ANK1: variants seen among roughly 807,000 people sequenced by gnomAD.
The protein encoded by ANK1 is ankyrin-1.
Under a neutral mutation model 210.4 loss-of-function variants are expected in ANK1, and 51 were observed. The ratio of observed to expected loss-of-function variants is 0.24; its 90% CI spans 0.19 to 0.31. The LOEUF is 0.31. Among genes scored for constraint, ANK1 ranks in the 10% least tolerant of loss-of-function variants. The probability of loss-of-function intolerance (pLI) is 1.00; values close to 1 mark genes in which losing one functional copy is unlikely to be tolerated. For synonymous variants in ANK1, 967 were observed against 1,025.9 expected (o/e 0.94, Z 1.10); for missense variants, 2,051 against 2,504.4 (o/e 0.82, Z 3.86).
At chr8:41,775,508 C>T (rs962514133) in intron 1 of ANK1, among the ~76,000 whole-genome samples, 33 of 152,202 alleles carry the variant, frequency 2.2e-4, no homozygotes, top group African/African-American at 8.0e-4. Context: ...CCCTCTAGCC[C>T]ATGATGATTC....
chr8:41,700,381 A>T, intron 22 of ANK1: 1 of 1,583,594 alleles, frequency 6.3e-7, no homozygotes, highest in African/African-American at 1.3e-5. Context: ...GCTTAGGGTG[A>T]AATGCACTCT....
chr8:41,872,359 C>T (rs1217086099), intron 1 of ANK1, among the ~76,000 whole-genome samples: 4 of 152,224 alleles, frequency 2.6e-5, no homozygotes, highest in Non-Finnish European at 5.9e-5. Flanking sequence ...GGCCCTAAGG[C>T]GAGGCCTCTG....
intron 1 of ANK1, among the ~76,000 whole-genome samples, chr8:41,888,333 G>A (rs151012270): frequency 1.7e-4 from 26 of 152,290 alleles, no homozygotes; most frequent in African/African-American, 5.3e-4. Context: ...GTATACACAC[G>A]CTTACATATG....
chr8:41,834,512 C>T (rs911969136), intron 1 of ANK1, among the ~76,000 whole-genome samples: 1 of 152,222 alleles, frequency 6.6e-6, no homozygotes, highest in African/African-American at 2.4e-5. Flanking sequence ...GGACACAAGT[C>T]ACCACAGAGC....
chr8:41,832,271 T>C (rs1287760282), intron 1 of ANK1, among the ~76,000 whole-genome samples: 3 of 151,964 alleles, frequency 2.0e-5, no homozygotes, highest in Non-Finnish European at 2.9e-5. Flanking sequence ...AAGAGAAGTG[T>C]CCCCAAAGTT....
intron 1 of ANK1, among the ~76,000 whole-genome samples, chr8:41,813,523 G>A (rs1445785594): frequency 6.6e-6 from 1 of 152,164 alleles, no homozygotes; most frequent in Non-Finnish European, 1.5e-5. Flanking sequence ...TTTACCAAAG[G>A]TAATTACAGT....
chr8:41,770,952 A>G (rs114025156), intron 1 of ANK1, among the ~76,000 whole-genome samples: 354 of 152,332 alleles, frequency 2.3e-3, no homozygotes, highest in African/African-American at 8.3e-3. Flanking sequence ...CCAGGCAGAG[A>G]CAGCTTGGTT....
In ANK1 at chr8:41,695,310, C is replaced by T. The variant is rs139623406; in HGVS notation, c.2982G>A (p.Pro994=). ...QFLSPVIVEI[P]HFASHGRGDR... ...CTCCACGGCCATGGGAGGCAAAGTG[C>T]GGGATCTCCACGATTACAGGGCTGA... The change falls in exon 27 of 43, where the codon CCG becomes CCA. Residue 994 remains proline, a synonymous_variant. Coordinates refer to ENST00000289734, the MANE Select transcript of ANK1 (RefSeq NM_000037.4). The T allele has an allele frequency of 1.4e-4, 225 of 1,614,026 alleles. 1 individual carries two copies. In the East Asian group the frequency reaches 1.6e-3, roughly 12 times the overall value.
At chr8:41,894,356 A>G (rs941370487) in intron 1 of ANK1, among the ~76,000 whole-genome samples, 6 of 152,096 alleles carry the variant, frequency 3.9e-5, no homozygotes, top group African/African-American at 1.4e-4. Flanking sequence ...ATTTGGGGGG[A>G]GGAATATATT....
chr8:41,790,604 C>T (rs1226487050), intron 1 of ANK1, among the ~76,000 whole-genome samples: 3 of 152,028 alleles, frequency 2.0e-5, no homozygotes, highest in Non-Finnish European at 2.9e-5. Flanking sequence ...TCACTCCTGG[C>T]GTTTGCCTAA....
chr8:41,769,082 T>G (rs1361561257), intron 1 of ANK1, among the ~76,000 whole-genome samples: 5 of 152,168 alleles, frequency 3.3e-5, no homozygotes, highest in African/African-American at 1.2e-4. Context: ...AGTGGGATAA[T>G]CAAAGATCAA....
chr8:41,803,525 CTT>C (rs2150778760), intron 1 of ANK1: 1 of 152,178 alleles, frequency 6.6e-6, no homozygotes, highest in Non-Finnish European at 1.5e-5. Flanking sequence ...ATTTTGTTCT[CTT>C]CTTTTACAGT....
chr8:41,866,859 A>C (rs150187284), intron 1 of ANK1, among the ~76,000 whole-genome samples: 1 of 152,302 alleles, frequency 6.6e-6, no homozygotes, highest in East Asian at 1.9e-4. Context: ...CTCACCCATC[A>C]ATGGACACTT....
intron 1 of ANK1, among the ~76,000 whole-genome samples, chr8:41,872,498 C>G (rs919984604): frequency 1.3e-5 from 2 of 152,242 alleles, no homozygotes; most frequent in African/African-American, 4.8e-5. Context: ...AGACCCCCAG[C>G]TTCTCCTTAC....
intron 39 of ANK1, chr8:41,664,773 C>G: frequency 6.4e-7 from 1 of 1,574,362 alleles, no homozygotes; most frequent in South Asian, 1.1e-5. Flanking sequence ...GCCCACACCA[C>G]CAGCCCTGCC....
intron 20 of ANK1, among the ~76,000 whole-genome samples, chr8:41,703,422 G>GTGTGTATA (rs1286560913): frequency 6.0e-4 from 32 of 53,756 alleles, no homozygotes; most frequent in Admixed American, 2.4e-3. Flanking sequence ...GTGTGTGTGT[G>GTGTGTATA]TATATATATA....
rs190705185 is a variant in ANK1, at chr8:41,863,684, G to A, written c.126+32671C>T. Among the ~76,000 whole-genome samples the A allele has an allele frequency of 3.4e-3, 522 of 152,294 alleles. 1 individual carries two copies. Among genetic ancestry groups the A allele is most frequent in the African/African-American group, 0.011 (450 of 41,572 alleles). On this transcript the variant is annotated intron_variant, in intron 1 of 42. Transcript: ENST00000265709. ...AACCTTCTGCACATCACCCTTGCTG[G>A]TGAGGTATTATGAATCCCATTTTGC...
At chr8:41,831,770 C>T (rs545653715) in intron 1 of ANK1, among the ~76,000 whole-genome samples, 5 of 152,260 alleles carry the variant, frequency 3.3e-5, no homozygotes, top group African/African-American at 1.2e-4. Flanking sequence ...TATTTATCAC[C>T]GCCCCAGACT....
rs1817641092 is a variant in ANK1, at chr8:41,686,202, C to T, written c.4340G>A (p.Ser1447Asn). Residue 1447 changes from serine (S) to asparagine (N), a missense_variant, in exon 36 of 43, where the codon AGT becomes AAT. Physicochemically the swap from Ser to Asn is conservative, Grantham distance 46. Around this residue, in one of 6 missense-constraint regions of ANK1, gnomAD observed 39 missense variants for 75.1 expected, o/e 0.52. Coordinates refer to ENST00000289734, the MANE Select transcript of ANK1 (RefSeq NM_000037.4). ...GACCCAGAGGTTCAGCAAGGCCACA[C>T]TCTGCTCCAACAGGGAGTTGGGATT... ...VENPNSLLEQ[S>N]VALLNLWVIR... 3.1e-6 allele frequency: 5 copies of T among 1,614,114 alleles called. No individual in the cohort carries two copies. Among genetic ancestry groups the T allele is most frequent in the Non-Finnish European group, 4.2e-6 (5 of 1,180,050 alleles).
Sources: gnomAD v4.1 joint callset for allele counts (sites outside exome capture counted in the v4.1 genomes callset) on GRCh38, gnomAD v4.1.1 for gene constraint, gnomAD v4.1.1 regional missense constraint, MANE v1.5 for transcripts, NCBI Gene and HGNC (gene_info 2026-07-23, HGNC 2026-07-21) for gene names.